The following STAC variants were observed in gnomAD, a reference collection of about 807,000 sequenced individuals.
STAC encodes SH3 and cysteine rich domain.
Under a neutral mutation model 48.8 loss-of-function variants are expected in STAC, and 43 were observed. The ratio of observed to expected loss-of-function variants is 0.88; its 90% CI spans 0.69 to 1.14. The LOEUF (loss-of-function observed/expected upper bound fraction) is 1.14, where lower values mean the gene tolerates loss of function less well. Ranked by LOEUF, STAC falls within the 50% of genes most tolerant of loss-of-function variation. The pLI, the probability that STAC is intolerant of heterozygous loss-of-function variation, is 0.00. For missense variants in STAC, 497 were observed against 504.0 expected (o/e 0.99, Z 0.13); for synonymous variants, 193 against 179.5 (o/e 1.07, Z -0.60).
At position 36,469,731 on chromosome 3, in the gene STAC, G is replaced by A. The variant is rs1697273844; in HGVS notation, c.389-13261G>A. Among the ~76,000 whole-genome samples the A allele has an allele frequency of 2.0e-5, 3 of 151,914 alleles. No individual in the cohort carries two copies. In the South Asian group the frequency reaches 6.2e-4, roughly 32 times the overall value. On this transcript the variant is annotated intron_variant, in intron 2 of 10. Coordinates refer to ENST00000273183, the MANE Select transcript of STAC (RefSeq NM_003149.3). ...AGCCCAATTACTTTCAGGTTTGGAT[G>A]TCCCAAACTTCTTGGAGTCTTTGTT...
intron 2 of STAC, among the ~76,000 whole-genome samples, chr3:36,444,463 A>T (rs1057505460): frequency 1.3e-5 from 2 of 152,164 alleles, no homozygotes; most frequent in South Asian, 4.1e-4. Context: ...TCTACTCCTT[A>T]TCTCCTGCTC....
chr3:36,406,200 G>A (rs180976310), intron 1 of STAC, among the ~76,000 whole-genome samples: 7 of 152,324 alleles, frequency 4.6e-5, no homozygotes, highest in South Asian at 2.1e-4. Context: ...GGTCTGCTTC[G>A]CTGCACAGAC....
At chr3:36,469,764 T>A (rs1045221835) in intron 2 of STAC, among the ~76,000 whole-genome samples, 3 of 151,872 alleles carry the variant, frequency 2.0e-5, no homozygotes, top group East Asian at 3.8e-4. Flanking sequence ...GTTCATTTTT[T>A]TTTTATTTTT....
Position 36,546,477 on chromosome 3 carries a change from C to A in STAC, c.*188C>A. 1.7e-6 allele frequency: 1 copy of A among 584,974 alleles called. No individual in the cohort carries two copies. Among genetic ancestry groups the A allele is most frequent in the Non-Finnish European group, 3.0e-6 (1 of 330,104 alleles). 36.2% of individuals were successfully genotyped at this position (584,974 alleles called of 1,614,324 possible). On this transcript the variant is annotated 3_prime_UTR_variant, in exon 11 of 11. Coordinates refer to ENST00000273183, the MANE Select transcript of STAC (RefSeq NM_003149.3). ...CAGAGGGCCCACTGCACAGCATATC[C>A]AGGCTGCCACAGGTGGGGACGAGGC...
chr3:36,467,942 T>C (rs1697223103), intron 2 of STAC, among the ~76,000 whole-genome samples: 1 of 152,256 alleles, frequency 6.6e-6, no homozygotes, highest in South Asian at 2.1e-4. Context: ...CCTCAGATTG[T>C]CTATTTGGGC....
intron 1 of STAC, among the ~76,000 whole-genome samples, chr3:36,398,597 G>GAAGGAAGGAAGGAAGGAAGA (rs778907424): frequency 1.3e-5 from 1 of 79,560 alleles, no homozygotes; most frequent in African/African-American, 6.7e-5. Flanking sequence ...AGGAAGGAAG[G>GAAGGAAGGAAGGAAGGAAGA]AAGAAAGGAA....
chr3:36,380,777 A>G (rs1699492074), intron 1 of STAC, 23 bp downstream of exon 1: 2 of 1,572,614 alleles, frequency 1.3e-6, no homozygotes, highest in East Asian at 2.3e-5. Flanking sequence ...CTTGCCCCCA[A>G]GAGAACACAA....
intron 2 of STAC, among the ~76,000 whole-genome samples, chr3:36,466,401 A>G (rs2125687927): frequency 6.6e-6 from 1 of 151,820 alleles, no homozygotes; most frequent in South Asian, 2.1e-4. Context: ...TTGGTTTCAT[A>G]TGAATTCTAG....
intron 10 of STAC, among the ~76,000 whole-genome samples, chr3:36,531,763 G>T (rs1699077947): frequency 6.6e-6 from 1 of 152,186 alleles, no homozygotes; most frequent in Non-Finnish European, 1.5e-5. Flanking sequence ...AAGAGACAGT[G>T]AGAAACCCCT....
At chr3:36,382,975 T>C (rs1699543700) in intron 1 of STAC, among the ~76,000 whole-genome samples, 1 of 152,194 alleles carries the variant, frequency 6.6e-6, no homozygotes, top group Admixed American at 6.5e-5. Flanking sequence ...TTAAACTCTC[T>C]CAAGGAAGAC....
intron 1 of STAC, among the ~76,000 whole-genome samples, chr3:36,386,346 CAT>C (rs899045253): frequency 1.3e-5 from 2 of 151,256 alleles, no homozygotes; most frequent in African/African-American, 4.9e-5. Flanking sequence ...GGGTTCTTCT[CAT>C]ATTCTGGATA....
At chr3:36,529,129 T>C (rs1031791601) in intron 10 of STAC, 144 bp downstream of exon 10, 62 of 901,694 alleles carry the variant, frequency 6.9e-5, no homozygotes, top group Non-Finnish European at 9.2e-5. Context: ...TCCAATGATG[T>C]CAGTGTTGTA....
At chr3:36,518,485 AT>A (rs1311067940) in intron 8 of STAC, among the ~76,000 whole-genome samples, 7 of 152,210 alleles carry the variant, frequency 4.6e-5, no homozygotes, top group Middle Eastern at 3.2e-3. Flanking sequence ...TTTCAGTATT[AT>A]TAAATCCTAA....
intron 2 of STAC, among the ~76,000 whole-genome samples, chr3:36,469,502 C>A (rs1439888854): frequency 6.7e-6 from 1 of 149,530 alleles, no homozygotes; most frequent in African/African-American, 2.6e-5. Flanking sequence ...ATGTTTTTGA[C>A]TCAAGGATTC....
intron 10 of STAC, among the ~76,000 whole-genome samples, chr3:36,530,843 C>T (rs1405041256): frequency 6.6e-6 from 1 of 151,988 alleles, no homozygotes; most frequent in African/African-American, 2.4e-5. Flanking sequence ...GGTGATCCAC[C>T]CGCCTCGGCC....
chr3:36,420,215 T>C (rs778577956), intron 1 of STAC, among the ~76,000 whole-genome samples: 5 of 152,060 alleles, frequency 3.3e-5, no homozygotes, highest in African/African-American at 9.7e-5. Flanking sequence ...GATCAGAAGA[T>C]TAAAAGAACT....
chr3:36,471,744 T>C (rs1386092703), intron 2 of STAC, among the ~76,000 whole-genome samples: 1 of 152,212 alleles, frequency 6.6e-6, no homozygotes, highest in Non-Finnish European at 1.5e-5. Context: ...CAGGCCATGC[T>C]GATGCAAGAG....
intron 10 of STAC, 48 bp from the exon 11 acceptor site, chr3:36,546,143 T>A: frequency 6.5e-7 from 1 of 1,535,826 alleles, no homozygotes; most frequent in Non-Finnish European, 9.0e-7. Flanking sequence ...CTAACTTCGT[T>A]CTTGCTGACA....
intron 10 of STAC, 158 bp downstream of exon 10, chr3:36,529,143 GCTAAACATGCAAA>G: frequency 1.3e-6 from 1 of 766,028 alleles, no homozygotes; most frequent in Non-Finnish European, 1.8e-6. Context: ...TGTTGTAGGA[GCTAAACATGCAAA>G]CTAAAATTTT....
Sources: allele counts gnomAD v4.1 joint callset (sites outside exome capture counted in the v4.1 genomes callset), GRCh38; gene constraint gnomAD v4.1.1; transcripts MANE v1.5; gene names NCBI Gene and HGNC (gene_info 2026-07-23, HGNC 2026-07-21).